CAP2: variants seen among roughly 807,000 people sequenced by gnomAD.
The protein encoded by CAP2 is cyclase associated actin cytoskeleton regulatory protein 2.
CAP2 carries 24 observed loss-of-function variants against 57.7 expected under a neutral mutation model. The ratio of observed to expected loss-of-function variants is 0.42; its 90% CI spans 0.30 to 0.58. CAP2 has a LOEUF of 0.58. Among genes scored for constraint, CAP2 ranks in the 20% least tolerant of loss-of-function variants. The pLI is 0.22. For synonymous variants in CAP2, 194 were observed against 207.2 expected (o/e 0.94, Z 0.55); for missense variants, 501 against 590.3 (o/e 0.85, Z 1.57).
chr6:17,417,512 C>T (rs1421216930), intron 1 of CAP2, among the ~76,000 whole-genome samples: 3 of 152,000 alleles, frequency 2.0e-5, no homozygotes, highest in Non-Finnish European at 4.4e-5. Context: ...TGGGATCCAG[C>T]GATCCACCCG....
At chr6:17,484,284 C>T (rs1761368967) in intron 4 of CAP2, among the ~76,000 whole-genome samples, 1 of 152,070 alleles carries the variant, frequency 6.6e-6, no homozygotes, top group South Asian at 2.1e-4. Flanking sequence ...TTGCACGAGT[C>T]TGCGTCTGTG....
At chr6:17,491,168 C>G (rs1761532356) in intron 4 of CAP2, among the ~76,000 whole-genome samples, 1 of 151,966 alleles carries the variant, frequency 6.6e-6, no homozygotes, top group South Asian at 2.1e-4. Flanking sequence ...AGGACTGTCC[C>G]CCAACGCCCC....
chr6:17,503,604 C>CAAAAAAAAAAAAAAAAAAAAAAAAAAA (rs763364878), intron 4 of CAP2, among the ~76,000 whole-genome samples: 1 of 73,358 alleles, frequency 1.4e-5, no homozygotes, highest in Non-Finnish European at 2.8e-5. Flanking sequence ...AACTCTATCT[C>CAAAAAAAAAAAAAAAAAAAAAAAAAAA]AAAAAAAAAA....
rs774322820 is a variant in CAP2 at position 17,426,643 on chromosome 6, G to A, written c.175G>A (p.Glu59Lys). ...CAAGCTGATGGACAGTATGGTGGCC[G>A]AGTTTTTAAAGAACAGTAGGATCCT... ...FDKLMDSMVA[E>K]FLKNSRILAG... The change falls in exon 3 of 13, where the codon GAG becomes AAG. Residue 59 changes from glutamate (E) to lysine (K), a missense_variant. Transcript: ENST00000229922. 9 of 1,613,940 alleles carry A rather than the reference G, an allele frequency of 5.6e-6. No homozygotes were observed. The highest frequency in any genetic ancestry group is 2.2e-5 in the East Asian group (1 of 44,892).
At chr6:17,490,897 T>C (rs1761527497) in intron 4 of CAP2, among the ~76,000 whole-genome samples, 1 of 152,234 alleles carries the variant, frequency 6.6e-6, no homozygotes. Context: ...TTGTGCCCTT[T>C]GGCTGAATGT....
intron 1 of CAP2, among the ~76,000 whole-genome samples, chr6:17,398,226 C>G (rs983956015): frequency 6.6e-6 from 1 of 152,144 alleles, no homozygotes; most frequent in Non-Finnish European, 1.5e-5. Context: ...ATCAAAGGAA[C>G]ATTACTTTAA....
At chr6:17,440,526 T>A (rs1245938853) in intron 3 of CAP2, among the ~76,000 whole-genome samples, 5 of 151,588 alleles carry the variant, frequency 3.3e-5, no homozygotes, top group Middle Eastern at 3.4e-3. Flanking sequence ...GACAGTATTT[T>A]AAAAATGTTG....
At chr6:17,438,585 C>A (rs1423083086) in intron 3 of CAP2, among the ~76,000 whole-genome samples, 5 of 144,782 alleles carry the variant, frequency 3.5e-5, no homozygotes. Context: ...ACTACAGGCG[C>A]CCACAACCAC....
intron 8 of CAP2, among the ~76,000 whole-genome samples, chr6:17,540,770 A>G (rs563810647): frequency 2.8e-4 from 42 of 152,250 alleles, no homozygotes; most frequent in African/African-American, 9.9e-4. Flanking sequence ...AACAACAACA[A>G]CAACAACTTA....
chr6:17,498,984 C>A lies in CAP2; in HGVS notation c.301-8185C>A, dbSNP rs541207863. Among the ~76,000 whole-genome samples the A allele has an allele frequency of 2.7e-3, 414 of 152,134 alleles. 2 individuals are homozygous for A. The highest frequency in any genetic ancestry group is 9.3e-3 in the African/African-American group (387 of 41,506). ...GACCTCGTGATCCGCCCTCCTCGGC[C>A]TCCCAAAGTGCTGTGATTACAGGCG... On this transcript the variant is annotated intron_variant, in intron 4 of 12. Coordinates refer to ENST00000229922, the MANE Select transcript of CAP2 (RefSeq NM_006366.3).
intron 7 of CAP2, among the ~76,000 whole-genome samples, chr6:17,517,187 C>G (rs1762290316): frequency 6.6e-6 from 1 of 152,158 alleles, no homozygotes; most frequent in Admixed American, 6.5e-5. Flanking sequence ...AAATCAGGAG[C>G]CCTTGGCTCT....
intron 3 of CAP2, among the ~76,000 whole-genome samples, chr6:17,455,613 G>T (rs1013678547): frequency 5.3e-5 from 8 of 151,484 alleles, no homozygotes; most frequent in South Asian, 2.1e-4. Context: ...TCAGCTCACT[G>T]CACTCTCCGC....
At chr6:17,417,183 T>TC (rs950377796) in intron 1 of CAP2, among the ~76,000 whole-genome samples, 4 of 151,566 alleles carry the variant, frequency 2.6e-5, no homozygotes, top group South Asian at 4.2e-4. Context: ...TGGGTGCACT[T>TC]CTCATTATAA....
chr6:17,418,517 G>C (rs1759346690), intron 1 of CAP2, among the ~76,000 whole-genome samples: 1 of 152,122 alleles, frequency 6.6e-6, no homozygotes, highest in South Asian at 2.1e-4. Context: ...TGCGAGTTTG[G>C]GTCTTGTCAG....
At chr6:17,553,686 C>G (rs1763226312) in intron 12 of CAP2, among the ~76,000 whole-genome samples, 1 of 151,782 alleles carries the variant, frequency 6.6e-6, no homozygotes, top group South Asian at 2.1e-4. Context: ...ACCTTGTGGC[C>G]CTCTTCACAT....
At chr6:17,469,679 T>C (rs1445628305) in intron 4 of CAP2, among the ~76,000 whole-genome samples, 1 of 152,098 alleles carries the variant, frequency 6.6e-6, no homozygotes, top group African/African-American at 2.4e-5. Context: ...TAAAGGGAAA[T>C]AGTGCCTTCC....
intron 7 of CAP2, among the ~76,000 whole-genome samples, chr6:17,516,830 T>C (rs1762282894): frequency 6.6e-6 from 1 of 152,182 alleles, no homozygotes; most frequent in Non-Finnish European, 1.5e-5. Context: ...CCAACACTTT[T>C]ACAAATGTTA....
At chr6:17,461,885 C>CG (rs1303889924) in intron 3 of CAP2, among the ~76,000 whole-genome samples, 2 of 145,696 alleles carry the variant, frequency 1.4e-5, no homozygotes, top group African/African-American at 2.5e-5. Context: ...CCCAGCTACT[C>CG]GGGGGGCTGA....
chr6:17,539,931 A>T (rs1762861711), intron 8 of CAP2, among the ~76,000 whole-genome samples: 1 of 151,954 alleles, frequency 6.6e-6, no homozygotes, highest in South Asian at 2.1e-4. Flanking sequence ...AATAAACAGA[A>T]ATTAGCTGGG....
Sources: allele counts gnomAD v4.1 joint callset (sites outside exome capture counted in the v4.1 genomes callset), GRCh38; gene constraint gnomAD v4.1.1; transcripts MANE v1.5; gene names NCBI Gene and HGNC (gene_info 2026-07-23, HGNC 2026-07-21).